Variants in MAGI1 observed in about 807,000 individuals in gnomAD.
MAGI1 encodes membrane associated guanylate kinase, WW and PDZ domain containing 1.
A neutral mutation model predicts 139.9 loss-of-function variants in MAGI1; 58 were observed. The observed-to-expected ratio is 0.41, with a 90% CI of 0.34 to 0.52. The LOEUF (loss-of-function observed/expected upper bound fraction) is 0.52, where lower values mean the gene tolerates loss of function less well. Among genes scored for constraint, MAGI1 ranks in the 20% least tolerant of loss-of-function variants. MAGI1 has a pLI of 0.12. For missense variants in MAGI1, 1,874 were observed against 1,901.6 expected (o/e 0.99, Z 0.27); for synonymous variants, 812 against 737.9 (o/e 1.10, Z -1.63).
intron 22 of MAGI1, among the ~76,000 whole-genome samples, chr3:65,358,675 C>T (rs1343184447): frequency 1.3e-5 from 2 of 152,144 alleles, no homozygotes; most frequent in African/African-American, 2.4e-5. Context: ...GGATTGGGCC[C>T]ATGGACTGCA....
intron 1 of MAGI1, among the ~76,000 whole-genome samples, chr3:65,877,613 A>G (rs529653587): frequency 6.6e-6 from 1 of 152,324 alleles, no homozygotes; most frequent in East Asian, 1.9e-4. Flanking sequence ...TTTTCCTACC[A>G]AAACAGTCAC....
At chr3:65,738,145 T>G (rs77013582) in intron 1 of MAGI1, among the ~76,000 whole-genome samples, 1 of 152,204 alleles carries the variant, frequency 6.6e-6, no homozygotes, top group African/African-American at 2.4e-5. Flanking sequence ...AGAATACTTA[T>G]ACAGGCATAG....
At chr3:65,636,960 T>C (rs575318325) in intron 1 of MAGI1, among the ~76,000 whole-genome samples, 71 of 152,334 alleles carry the variant, frequency 4.7e-4, no homozygotes, top group African/African-American at 1.7e-3. Context: ...TTAAGCCCAT[T>C]GCAGGCTTTG....
At chr3:65,870,916 C>T (rs2059916846) in intron 1 of MAGI1, among the ~76,000 whole-genome samples, 1 of 151,664 alleles carries the variant, frequency 6.6e-6, no homozygotes, top group South Asian at 2.1e-4. Flanking sequence ...GATGAGACTC[C>T]ATCTCATACA....
chr3:65,844,169 A>G (rs2058904530), intron 1 of MAGI1: 5 of 518,012 alleles, frequency 9.7e-6, no homozygotes, highest in African/African-American at 1.9e-5. Flanking sequence ...TTTGCTGCAC[A>G]TGTGTAAAAA....
intron 22 of MAGI1, chr3:65,359,283 C>T: frequency 6.7e-7 from 1 of 1,490,314 alleles, no homozygotes; most frequent in Admixed American, 2.3e-5. Flanking sequence ...TAACATAGGG[C>T]AAAGAGAGTT....
intron 1 of MAGI1, among the ~76,000 whole-genome samples, chr3:65,951,444 G>C (rs2063858784): frequency 6.6e-6 from 1 of 152,182 alleles, no homozygotes; most frequent in Non-Finnish European, 1.5e-5. Flanking sequence ...TGTTTCCAAT[G>C]AAACTGTTGC....
Position 65,551,610 on chromosome 3 carries a change from T to A in MAGI1, c.431-57979A>T, listed in dbSNP as rs895328374. Among the ~76,000 whole-genome samples, 6 of 152,324 alleles carry A rather than the reference T, an allele frequency of 3.9e-5. No homozygotes were observed. In the East Asian group the frequency reaches 5.8e-4, roughly 15 times the overall value. Reference sequence around the variant, plus strand: ...CCACCACGCCCGGCCCACTTTCCTTTATAAATTACCCAGTCTCAGGGAAGT... The same window carrying A: ...CCACCACGCCCGGCCCACTTTCCTTAATAAATTACCCAGTCTCAGGGAAGT... On this transcript the variant is annotated intron_variant, in intron 2 of 22. Transcript: ENST00000402939.
intron 7 of MAGI1, among the ~76,000 whole-genome samples, chr3:65,444,364 T>G (rs536461119): frequency 6.6e-6 from 1 of 151,632 alleles, no homozygotes; most frequent in East Asian, 2.0e-4. Flanking sequence ...TACCAAAGAG[T>G]TGGGAAATCG....
intron 1 of MAGI1, among the ~76,000 whole-genome samples, chr3:66,000,148 T>G (rs2107437643): frequency 6.6e-6 from 1 of 152,094 alleles, no homozygotes; most frequent in East Asian, 1.9e-4. Flanking sequence ...AATTTTCTTT[T>G]TGTATTTTTA....
rs80172881 is a variant in MAGI1, at chr3:65,522,073, C to T, written c.431-28442G>A. 9.6e-4 allele frequency among the ~76,000 whole-genome samples: 146 copies of T among 152,268 alleles called. 2 individuals carry two copies. In the East Asian group the frequency reaches 0.026, roughly 27 times the overall value. On this transcript the variant is annotated intron_variant, in intron 2 of 22. Transcript: ENST00000402939. ...ACGGAATTTCATACCCTCCTTCACT[C>T]TTACAATGGCCTTCACCAAGAGCAG...
At chr3:65,819,573 T>TA (rs1272911756) in intron 1 of MAGI1, among the ~76,000 whole-genome samples, 1 of 151,470 alleles carries the variant, frequency 6.6e-6, no homozygotes, top group African/African-American at 2.4e-5. Context: ...ACCCCAGCAT[T>TA]AAGGCAAAAA....
At chr3:65,500,759 T>A (rs1040210108) in intron 2 of MAGI1, among the ~76,000 whole-genome samples, 2 of 152,162 alleles carry the variant, frequency 1.3e-5, no homozygotes, top group African/African-American at 4.8e-5. Flanking sequence ...AGGAAAATAA[T>A]CAGCCCACAA....
intron 10 of MAGI1, among the ~76,000 whole-genome samples, chr3:65,432,903 C>T (rs553277316): frequency 6.6e-6 from 1 of 152,158 alleles, no homozygotes; most frequent in Admixed American, 6.5e-5. Context: ...CCTTCCCTAA[C>T]CACCTTACTA....
At chr3:65,664,475 A>ATTTTCCTT (rs2086388284) in intron 1 of MAGI1, among the ~76,000 whole-genome samples, 1 of 152,218 alleles carries the variant, frequency 6.6e-6, no homozygotes, top group Non-Finnish European at 1.5e-5. Context: ...ACAGACGAAA[A>ATTTTCCTT]AACTCTGGCC....
intron 1 of MAGI1, among the ~76,000 whole-genome samples, chr3:65,750,398 AG>A (rs2036049126): frequency 6.6e-6 from 1 of 152,208 alleles, no homozygotes; most frequent in Non-Finnish European, 1.5e-5. Flanking sequence ...TCTCCCTCTA[AG>A]AAAAAATCTA....
chr3:65,650,931 G>A (rs1366952328), intron 1 of MAGI1, among the ~76,000 whole-genome samples: 3 of 152,038 alleles, frequency 2.0e-5, no homozygotes, highest in African/African-American at 7.2e-5. Context: ...AAATAAGTAA[G>A]GTGCATATCT....
At chr3:65,431,421 A>G (rs1413396396) in intron 10 of MAGI1, among the ~76,000 whole-genome samples, 2 of 152,118 alleles carry the variant, frequency 1.3e-5, no homozygotes, top group Non-Finnish European at 2.9e-5. Flanking sequence ...TAGAATGACT[A>G]TTTTCAAAAT....
chr3:65,379,215 C>G lies in MAGI1; in HGVS notation c.2995+46G>C, dbSNP rs200751853. 1.9e-6 allele frequency: 3 copies of G among 1,606,628 alleles called. No individual in the cohort carries two copies. The Admixed American group carries it at 5.1e-5, about 27-fold the overall frequency. The stretch of plus-strand genomic sequence containing the variant: ...TTCACTCGCAAGAGAACAAAAACTC[C>G]CAGGCATGGTGGGAAACCCTGGGTA... On this transcript the variant is annotated intron_variant, in intron 17 of 22. Transcript: ENST00000402939.
Sources: allele counts gnomAD v4.1 joint callset (sites outside exome capture counted in the v4.1 genomes callset), GRCh38; gene constraint gnomAD v4.1.1; transcripts MANE v1.5; gene names NCBI Gene and HGNC (gene_info 2026-07-23, HGNC 2026-07-21).